Variants in RMND1 observed in about 807,000 individuals in gnomAD.
RMND1 encodes required for meiotic nuclear division 1 homolog, also known as required for meiotic nuclear division protein 1 homolog.
Under a neutral mutation model 54.0 loss-of-function variants are expected in RMND1, and 41 were observed. That is an observed-to-expected ratio of 0.76 (90% CI 0.59 to 0.98). RMND1 has a LOEUF of 0.98. RMND1 is among the 50% of genes least tolerant of loss of function. The pLI is 0.00. For missense variants in RMND1, 457 were observed against 532.0 expected (o/e 0.86, Z 1.39); for synonymous variants, 183 against 181.7 (o/e 1.01, Z -0.06).
At chr6:151,433,832 T>TG (rs1362805689) in intron 3 of RMND1, among the ~76,000 whole-genome samples, 43 of 150,806 alleles carry the variant, frequency 2.9e-4, no homozygotes, top group Admixed American at 1.6e-3. Flanking sequence ...AAAGTTTTTT[T>TG]TTTGTTTGTT....
At chr6:151,445,247 AC>A (rs1004691443) in intron 2 of RMND1, 60 bp downstream of exon 2, 2 of 1,527,454 alleles carry the variant, frequency 1.3e-6, no homozygotes, top group African/African-American at 2.8e-5. Flanking sequence ...GGTGCAACGC[AC>A]ACTGGTTTAG....
At chr6:151,406,710 T>G (rs1779635447) in intron 10 of RMND1, among the ~76,000 whole-genome samples, 2 of 152,112 alleles carry the variant, frequency 1.3e-5, no homozygotes, top group African/African-American at 2.4e-5. Flanking sequence ...CTACTGGAAA[T>G]CCTGAAAGCA....
intron 1 of RMND1, among the ~76,000 whole-genome samples, chr6:151,449,678 A>C (rs866176254): frequency 9.9e-4 from 149 of 150,266 alleles, no homozygotes; most frequent in African/African-American, 3.5e-3. Flanking sequence ...CCCTCTCCCC[A>C]CGGTCTCCCT....
intron 10 of RMND1, chr6:151,411,228 G>C (rs191002021): frequency 2.0e-3 from 298 of 152,454 alleles, no homozygotes; most frequent in Non-Finnish European, 3.3e-3. Context: ...CAAAGTGCTG[G>C]GATTACAGGT....
At chr6:151,417,821 T>C (rs527866834) in intron 9 of RMND1, among the ~76,000 whole-genome samples, 2 of 151,988 alleles carry the variant, frequency 1.3e-5, no homozygotes, top group African/African-American at 2.4e-5. Context: ...ATTTTTTTTT[T>C]TTTTTTGAGA....
intron 1 of RMND1, among the ~76,000 whole-genome samples, 151 bp downstream of exon 1, chr6:151,451,865 G>T (rs1463116965): frequency 6.6e-6 from 1 of 152,172 alleles, no homozygotes; most frequent in Non-Finnish European, 1.5e-5. Context: ...TTTACTCCCA[G>T]CTAAGCTGAC....
At chr6:151,450,561 C>A (rs1487922076) in intron 1 of RMND1, among the ~76,000 whole-genome samples, 16 of 148,938 alleles carry the variant, frequency 1.1e-4, no homozygotes, top group African/African-American at 3.2e-4. Context: ...GCCAGCCGCC[C>A]CGTCCGGGAG....
intron 9 of RMND1, chr6:151,418,507 G>A (rs9371516): frequency 0.54 from 82,790 of 151,924 alleles, 25,167 homozygotes; most frequent in African/African-American, 0.82. Context: ...CCCAGTTTGG[G>A]GTGCAGTGAC....
chr6:151,450,891 G>A (rs890070778), intron 1 of RMND1, among the ~76,000 whole-genome samples: 2 of 152,026 alleles, frequency 1.3e-5, no homozygotes, highest in Admixed American at 1.3e-4. Context: ...CCTGCTAATC[G>A]GTGACCTTAC....
At chr6:151,422,003 G>A (rs1040914703) in intron 8 of RMND1, among the ~76,000 whole-genome samples, 1 of 151,870 alleles carries the variant, frequency 6.6e-6, no homozygotes, top group Non-Finnish European at 1.5e-5. Context: ...ACAATTTGAA[G>A]TTTTAAAAAG....
At chr6:151,411,965 G>A (rs1779849400) in intron 10 of RMND1, 1 of 152,192 alleles carries the variant, frequency 6.6e-6, no homozygotes, top group Admixed American at 6.5e-5. Flanking sequence ...ACCTCCTGGT[G>A]TTCACTTTTG....
At chr6:151,418,152 G>A (rs1282001243) in intron 9 of RMND1, among the ~76,000 whole-genome samples, 1 of 152,004 alleles carries the variant, frequency 6.6e-6, no homozygotes, top group Non-Finnish European at 1.5e-5. Context: ...GGTGGTTCAT[G>A]CCTGTAATCC....
chr6:151,450,356 G>T (rs1489721614), intron 1 of RMND1, among the ~76,000 whole-genome samples: 6 of 148,294 alleles, frequency 4.0e-5, no homozygotes, highest in African/African-American at 1.5e-4. Context: ...CGGGAGGGAG[G>T]TGGGGGTCAG....
intron 2 of RMND1, among the ~76,000 whole-genome samples, chr6:151,441,474 A>C (rs79378339): frequency 6.6e-6 from 1 of 151,870 alleles, no homozygotes; most frequent in Non-Finnish European, 1.5e-5. Flanking sequence ...GGTGACTCTC[A>C]GTGGGTCCTG....
At chr6:151,438,004 T>C (rs1645373826) in intron 2 of RMND1, among the ~76,000 whole-genome samples, 1 of 152,236 alleles carries the variant, frequency 6.6e-6, no homozygotes, top group Non-Finnish European at 1.5e-5. Context: ...ACCCTAATTA[T>C]GAGCAGATAA....
rs1780940987 is a variant in RMND1 at position 151,445,894 on chromosome 6, G to A, written c.-14-69C>T. 4.5e-6 allele frequency: 6 copies of A among 1,340,866 alleles called. No homozygotes were observed. In the Admixed American group the frequency reaches 1.1e-4, roughly 25 times the overall value. 83.1% of individuals were successfully genotyped at this position (1,340,866 alleles called of 1,614,324 possible). ...TTAAAACATATATAATATTTCCCTA[G>A]GTAGCAGGCATATTTCTGTTAGAAA... is the stretch of plus-strand genomic sequence containing the variant. On this transcript the variant is annotated intron_variant, in intron 1 of 11. Transcript: ENST00000444024.
intron 2 of RMND1, chr6:151,445,004 C>A: frequency 3.7e-6 from 1 of 270,754 alleles, no homozygotes; most frequent in Non-Finnish European, 6.8e-6. Flanking sequence ...TTTTACAGTC[C>A]CATTCTTAGA....
rs569178889 is a variant in RMND1, at chr6:151,441,201, T to A, written c.504+4107A>T. 1.1e-4 allele frequency among the ~76,000 whole-genome samples: 16 copies of A among 152,308 alleles called. No individual in the cohort carries two copies. In the East Asian group the frequency reaches 1.3e-3, roughly 13 times the overall value. On this transcript the variant is annotated intron_variant, in intron 2 of 11. Transcript: ENST00000444024. ...GCATGCTCTGATCAGAACATTTTTTTAAAAATTATACTTTCATTTACACTG... is the reference window on the plus strand; with the variant it reads ...GCATGCTCTGATCAGAACATTTTTTAAAAAATTATACTTTCATTTACACTG...
At chr6:151,420,217 C>T (rs1780117457) in intron 9 of RMND1, among the ~76,000 whole-genome samples, 1 of 152,126 alleles carries the variant, frequency 6.6e-6, no homozygotes, top group African/African-American at 2.4e-5. Context: ...AATCTCTCTA[C>T]CCTACTTCTC....
Sources: gnomAD v4.1 joint callset for allele counts (sites outside exome capture counted in the v4.1 genomes callset) on GRCh38, gnomAD v4.1.1 for gene constraint, MANE v1.5 for transcripts, NCBI Gene and HGNC (gene_info 2026-07-23, HGNC 2026-07-21) for gene names.